The following STPG2 variants were observed in gnomAD, a reference collection of about 807,000 sequenced individuals.
STPG2 encodes sperm tail PG-rich repeat containing 2.
A neutral mutation model predicts 54.2 loss-of-function variants in STPG2; 56 were observed. The observed-to-expected ratio is 1.03, with a 90% confidence interval of 0.83 to 1.29. STPG2 has a LOEUF of 1.29. Ranked by LOEUF, STPG2 falls within the 50% of genes most tolerant of loss-of-function variation. The probability of loss-of-function intolerance (pLI) is 0.00; values close to 1 mark genes in which losing one functional copy is unlikely to be tolerated. For synonymous variants in STPG2, 200 were observed against 181.8 expected, an observed-to-expected ratio of 1.10 and a Z score of -0.81; for missense variants, 596 against 544.9, an observed-to-expected ratio of 1.09 and a Z score of -0.93.
At chr4:97,824,345 A>C (rs1249482523) in intron 9 of STPG2, among the ~76,000 whole-genome samples, 1 of 152,148 alleles carries the variant, frequency 6.6e-6, no homozygotes, top group Non-Finnish European at 1.5e-5. Flanking sequence ...AAGTTGAATG[A>C]ATGAACTTTG....
At chr4:97,463,388 G>C (rs918507571) in intron 4 of STPG2, among the ~76,000 whole-genome samples, 1 of 152,062 alleles carries the variant, frequency 6.6e-6, no homozygotes, top group South Asian at 2.1e-4. Context: ...TAGTAGAAAG[G>C]ATATTAGAGA....
intron 10 of STPG2, among the ~76,000 whole-genome samples, chr4:97,622,979 T>A (rs1018991153): frequency 1.3e-5 from 2 of 151,962 alleles, no homozygotes; most frequent in African/African-American, 4.8e-5. Context: ...CCTACAACCA[T>A]CTAATCTTCA....
intron 4 of STPG2, among the ~76,000 whole-genome samples, chr4:97,523,528 AC>A (rs1335942495): frequency 6.6e-6 from 1 of 151,974 alleles, no homozygotes; most frequent in Non-Finnish European, 1.5e-5. Flanking sequence ...GGGTGATTAA[AC>A]AGTTAAAAAT....
intron 9 of STPG2, among the ~76,000 whole-genome samples, chr4:97,717,156 G>C (rs1724314815): frequency 6.6e-6 from 1 of 152,218 alleles, no homozygotes; most frequent in South Asian, 2.1e-4. Context: ...GAACTGCACA[G>C]TCTATTAAAT....
chr4:97,830,873 C>T (rs890881358), intron 9 of STPG2, among the ~76,000 whole-genome samples: 1 of 152,096 alleles, frequency 6.6e-6, no homozygotes, highest in African/African-American at 2.4e-5. Flanking sequence ...ATTCCTAAAG[C>T]AAATTCTTAG....
At chr4:97,806,914 A>G (rs1727585651) in intron 9 of STPG2, among the ~76,000 whole-genome samples, 1 of 152,148 alleles carries the variant, frequency 6.6e-6, no homozygotes, top group Non-Finnish European at 1.5e-5. Flanking sequence ...TCTGAGCCTT[A>G]CTGACTTCTT....
At chr4:97,564,559 C>T (rs1222029812) in intron 10 of STPG2, among the ~76,000 whole-genome samples, 1 of 152,190 alleles carries the variant, frequency 6.6e-6, no homozygotes, top group African/African-American at 2.4e-5. Context: ...CATGATTTTG[C>T]AGTGACTGGT....
At chr4:97,502,529 G>A (rs1730747916) in intron 4 of STPG2, among the ~76,000 whole-genome samples, 3 of 152,108 alleles carry the variant, frequency 2.0e-5, no homozygotes, top group African/African-American at 7.2e-5. Flanking sequence ...ATGCATGGGT[G>A]CTTGGATGGC....
At chr4:97,539,080 G>A (rs1380389013) in intron 4 of STPG2, among the ~76,000 whole-genome samples, 1 of 152,166 alleles carries the variant, frequency 6.6e-6, no homozygotes, top group Non-Finnish European at 1.5e-5. Flanking sequence ...ACCAGCCACT[G>A]CAAAAACATA....
At chr4:97,457,095 G>C (rs765944904) in intron 4 of STPG2, among the ~76,000 whole-genome samples, 6 of 152,044 alleles carry the variant, frequency 3.9e-5, no homozygotes, top group Non-Finnish European at 7.4e-5. Context: ...GCAAAACATT[G>C]ATAATACCAA....
chr4:97,885,613 G>A (rs909807020), intron 8 of STPG2, among the ~76,000 whole-genome samples: 1 of 152,108 alleles, frequency 6.6e-6, no homozygotes, highest in Admixed American at 6.6e-5. Flanking sequence ...ACATGCGTTT[G>A]AACTGCACAG....
rs905207141 is a variant in STPG2, at chr4:97,719,873, T to C, written c.1205-7059A>G. 1.2e-4 allele frequency among the ~76,000 whole-genome samples: 18 copies of C among 152,140 alleles called. No individual in the cohort carries two copies. In the South Asian group the frequency reaches 3.5e-3, roughly 30 times the overall value. ...TGAAGTCGCATTTCTATTTATAATA[T>C]GCAAATAGCATTTAGATGATACATC... On this transcript the variant is annotated intron_variant, in intron 9 of 10. Transcript: ENST00000295268.
intron 5 of STPG2, among the ~76,000 whole-genome samples, chr4:98,062,590 A>C (rs1184001975): frequency 6.6e-6 from 1 of 152,208 alleles, no homozygotes; most frequent in African/African-American, 2.4e-5. Context: ...CATATACAAG[A>C]TTATTTGGGA....
At chr4:97,763,101 T>G (rs1725938435) in intron 9 of STPG2, among the ~76,000 whole-genome samples, 1 of 152,180 alleles carries the variant, frequency 6.6e-6, no homozygotes, top group Admixed American at 6.5e-5. Context: ...TAATTCTCAG[T>G]GGGTACTATG....
In STPG2 at chr4:97,897,278, C is replaced by T. The variant is rs539055143; in HGVS notation, c.1044+46619G>A. On this transcript the variant is annotated intron_variant, in intron 8 of 10. Transcript: ENST00000295268. ...ATTGCATAGTATTCCATGGTATATA[C>T]GTACCCCATTTTTTATCCAGTCTAT... 2.8e-3 allele frequency among the ~76,000 whole-genome samples: 420 copies of T among 151,916 alleles called. 2 individuals carry two copies. The highest frequency in any genetic ancestry group is 9.5e-3 in the African/African-American group (396 of 41,514).
At chr4:98,088,672 G>GA (rs61146705) in intron 5 of STPG2, among the ~76,000 whole-genome samples, 2,220 of 125,354 alleles carry the variant, frequency 0.018, 59 homozygotes, top group African/African-American at 0.055. Context: ...TCCTTTAGGG[G>GA]AAAAAAAAAA....
chr4:97,860,688 G>A (rs1242872273), intron 8 of STPG2, among the ~76,000 whole-genome samples: 1 of 151,844 alleles, frequency 6.6e-6, no homozygotes, highest in African/African-American at 2.4e-5. Flanking sequence ...ATGAGTCGTT[G>A]GGGTTTTCTA....
chr4:97,738,337 A>G (rs1214098297), intron 9 of STPG2, among the ~76,000 whole-genome samples: 1 of 152,228 alleles, frequency 6.6e-6, no homozygotes, highest in African/African-American at 2.4e-5. Flanking sequence ...CATTAAAATG[A>G]CAGGATCAAA....
intron 4 of STPG2, among the ~76,000 whole-genome samples, chr4:97,449,621 A>G (rs1179117138): frequency 6.6e-6 from 1 of 152,200 alleles, no homozygotes; most frequent in Non-Finnish European, 1.5e-5. Flanking sequence ...TAACATAGCT[A>G]TATCAATGAT....
Sources: allele counts gnomAD v4.1 joint callset (sites outside exome capture counted in the v4.1 genomes callset), GRCh38; gene constraint gnomAD v4.1.1; transcripts MANE v1.5; gene names NCBI Gene and HGNC (gene_info 2026-07-23, HGNC 2026-07-21).